ALMS1: variants seen among roughly 807,000 people sequenced by gnomAD.
The protein encoded by ALMS1 is ALMS1 centrosome and basal body associated protein, also known as centrosome-associated protein ALMS1.
Under a neutral mutation model 352.2 loss-of-function variants are expected in ALMS1, and 271 were observed. The ratio of observed to expected loss-of-function variants is 0.77; its 90% confidence interval spans 0.70 to 0.85. The LOEUF is 0.85. ALMS1 is among the 40% of genes least tolerant of loss of function. The pLI is 0.00. For synonymous variants in ALMS1, 1,865 were observed against 1,761.2 expected (o/e 1.06, Z -1.48); for missense variants, 5,445 against 4,870.7 (o/e 1.12, Z -3.51).
Position 73,451,014 on chromosome 2 carries a change from C to G in ALMS1, c.4487C>G (p.Pro1496Arg). Reference protein sequence around the residue: ...YKQAFPEGHLPEESLKVSVAP... With the variant: ...YKQAFPEGHLREESLKVSVAP... ...CAGGCCTTTCCAGAGGGTCATCTAC[C>G]TGAAGAGTCTCTGAAAGTTTCAGTT... Residue 1496 changes from proline to arginine, a missense_variant, in exon 8 of 23, where the codon CCT (proline) becomes CGT (arginine). Physicochemically the swap from Pro to Arg is moderately radical, Grantham distance 103 (BLOSUM62 -2). Coordinates refer to ENST00000613296, the MANE Select transcript of ALMS1 (RefSeq NM_001378454.1). 1.2e-6 allele frequency: 2 copies of G among 1,613,994 alleles called. No individual in the cohort carries two copies. The highest frequency in any genetic ancestry group is 2.2e-5 in the East Asian group (1 of 44,876).
Position 73,490,892 on chromosome 2 carries a change from A to G in ALMS1, c.8933A>G (p.Asp2978Gly), listed in dbSNP as rs1420360291. The change falls in exon 10 of 23, where the codon GAC becomes GGC. Residue 2978 changes from aspartate to glycine, a missense_variant. Asp to Gly is a moderately conservative substitution (Grantham distance 94). Transcript: ENST00000613296. ...CAAAGCAAAGCGCCAGGTGTAGATG[A>G]CCAAATGAATAAACACCATTTTCCC... ...QCQSKAPGVD[D>G]QMNKHHFPLP... 1 of 1,613,472 alleles carries G rather than the reference A, an allele frequency of 6.2e-7. No individual in the cohort carries two copies. The highest frequency in any genetic ancestry group is 8.5e-7 in the Non-Finnish European group (1 of 1,179,752).
intron 13 of ALMS1, among the ~76,000 whole-genome samples, chr2:73,554,686 C>T (rs1052485716): frequency 6.6e-6 from 1 of 152,144 alleles, no homozygotes. Context: ...GCACTCCAGC[C>T]TGTCGTATTT....
intron 1 of ALMS1, among the ~76,000 whole-genome samples, chr2:73,402,550 G>A (rs1044162811): frequency 1.1e-4 from 17 of 152,002 alleles, no homozygotes; most frequent in African/African-American, 2.4e-4. Flanking sequence ...ACGAGCCACC[G>A]CGCCCAGTCG....
intron 7 of ALMS1, among the ~76,000 whole-genome samples, chr2:73,440,798 A>G (rs1033743931): frequency 6.6e-6 from 1 of 152,170 alleles, no homozygotes; most frequent in Non-Finnish European, 1.5e-5. Flanking sequence ...TATCCTGGAC[A>G]TTTTGGATAT....
Position 73,448,375 on chromosome 2 carries a change from T to G in ALMS1, c.1848T>G (p.Thr616=). The G allele has an allele frequency of 1.9e-6, 3 of 1,613,622 alleles. No individual in the cohort carries two copies. Among genetic ancestry groups the G allele is most frequent in the Non-Finnish European group, 2.5e-6 (3 of 1,179,830 alleles). Residue 616 remains threonine, a synonymous_variant, in exon 8 of 23, where the codon ACT becomes ACG. Transcript: ENST00000613296. ...CTGACCAGACAACTGGCATGTCAAC[T>G]CTAACCTCTACTTCCTACTCACATA... The part of the protein sequence containing the change: ...GLADQTTGMS[T]LTSTSYSHRE...
chr2:73,528,888 C>G (rs1673850544), intron 11 of ALMS1, among the ~76,000 whole-genome samples: 1 of 151,974 alleles, frequency 6.6e-6, no homozygotes, highest in Non-Finnish European at 1.5e-5. Context: ...TTAAGAGAGT[C>G]TGATGCATTC....
At chr2:73,528,758 T>A (rs947640435) in intron 11 of ALMS1, among the ~76,000 whole-genome samples, 1 of 152,124 alleles carries the variant, frequency 6.6e-6, no homozygotes, top group Non-Finnish European at 1.5e-5. Context: ...CTTTTGAGGC[T>A]ATTTTCTAGA....
At position 73,424,601 on chromosome 2, in the gene ALMS1, T is replaced by C. The variant is rs1671342751; in HGVS notation, c.936T>C (p.Phe312=). The change falls in exon 5 of 23, where the codon TTT becomes TTC. Residue 312 remains phenylalanine (F), a synonymous_variant. Transcript: ENST00000613296. Reference sequence around the variant, plus strand: ...CAGCTGTTGGGTCTCAGTGCCCTTTTTTACCTTCTGAACAAGGGAATAATG... The same window carrying C: ...CAGCTGTTGGGTCTCAGTGCCCTTTCTTACCTTCTGAACAAGGGAATAATG... The part of the protein sequence containing the change: ...GSTAVGSQCP[F]LPSEQGNNEE... The C allele has an allele frequency of 6.2e-7, 1 of 1,613,916 alleles. No homozygotes were observed. The highest frequency in any genetic ancestry group is 1.3e-5 in the African/African-American group (1 of 74,926).
chr2:73,398,887 G>A (rs193140584), intron 1 of ALMS1, among the ~76,000 whole-genome samples: 99 of 151,996 alleles, frequency 6.5e-4, no homozygotes, highest in East Asian at 4.3e-3. Context: ...ACTGTCACCC[G>A]GGCTGGAGTG....
chr2:73,414,473 GTTTT>G (rs61660489), intron 2 of ALMS1, among the ~76,000 whole-genome samples: 1 of 66,416 alleles, frequency 1.5e-5, no homozygotes, highest in Non-Finnish European at 3.2e-5. Flanking sequence ...CTTTTTTTCC[GTTTT>G]TTTTTTTTTT....
At position 73,452,298 on chromosome 2, in the gene ALMS1, C is replaced by T. The variant is rs761077374; in HGVS notation, c.5771C>T (p.Pro1924Leu). 4 of 1,614,040 alleles carry T rather than the reference C, an allele frequency of 2.5e-6. No individual in the cohort carries two copies. The Admixed American group carries it at 5.0e-5, about 20-fold the overall frequency. The stretch of plus-strand genomic sequence containing the variant: ...GAAGCTTTAAATGTTTTTGTTGTTC[C>T]TGGACAAGGTGACCGGAAGACTGAG... Reference protein sequence around the residue: ...TEEALNVFVVPGQGDRKTEIP... With the variant: ...TEEALNVFVVLGQGDRKTEIP... The change falls in exon 8 of 23, where the codon CCT becomes CTT. Residue 1924 changes from proline (P) to leucine (L), a missense_variant. By Grantham distance (98) the Pro-to-Leu change is moderately conservative. Coordinates refer to ENST00000613296, the MANE Select transcript of ALMS1 (RefSeq NM_001378454.1).
intron 7 of ALMS1, among the ~76,000 whole-genome samples, chr2:73,440,799 T>C (rs895258239): frequency 6.6e-6 from 1 of 152,214 alleles, no homozygotes; most frequent in Non-Finnish European, 1.5e-5. Flanking sequence ...ATCCTGGACA[T>C]TTTGGATATT....
intron 15 of ALMS1, among the ~76,000 whole-genome samples, chr2:73,565,583 A>G (rs1213368754): frequency 6.6e-6 from 1 of 152,204 alleles, no homozygotes; most frequent in Non-Finnish European, 1.5e-5. Context: ...ACTTCCTTCC[A>G]AAGAGTGTAT....
In ALMS1 at chr2:73,572,814, T is replaced by C; in HGVS notation, c.10937T>C (p.Val3646Ala). The stretch of plus-strand genomic sequence containing the variant: ...AATCCAATCACACATTCTCTCCAGG[T>C]CTCAGAAAGTACACATGATGATAGC... The part of the protein sequence containing the change: ...LQNPITHSLQ[V>A]SESTHDDSRG... Residue 3646 changes from valine to alanine, a missense_variant, in exon 16 of 23, where the codon GTC becomes GCC. Physicochemically the swap from Val to Ala is moderately conservative, Grantham distance 64. Coordinates refer to ENST00000613296, the MANE Select transcript of ALMS1 (RefSeq NM_001378454.1). 1 of 1,614,026 alleles carries C rather than the reference T, an allele frequency of 6.2e-7. No homozygotes were observed. The highest frequency in any genetic ancestry group is 2.2e-5 in the East Asian group (1 of 44,878).
At chr2:73,529,467 T>A (rs1358389295) in intron 11 of ALMS1, among the ~76,000 whole-genome samples, 1 of 152,212 alleles carries the variant, frequency 6.6e-6, no homozygotes, top group Admixed American at 6.5e-5. Context: ...TCTAGAAGCT[T>A]GTGGATATTT....
rs200009686 is a variant in ALMS1 at position 73,490,505 on chromosome 2, G to A, written c.8546G>A (p.Arg2849Lys). 687 of 1,614,036 alleles carry A rather than the reference G, an allele frequency of 4.3e-4. 7 individuals are homozygous for A. Among genetic ancestry groups the A allele is most frequent in the Non-Finnish European group, 2.6e-5 (31 of 1,180,038 alleles). ...AACCATACCCTTATTAGCATGGGCA[G>A]ACCAAGTTCCACCCTAGGAGTAAAC... is the stretch of plus-strand genomic sequence containing the variant. ...SDNHTLISMG[R>K]PSSTLGVNRS... is the part of the protein sequence containing the mutation. The change falls in exon 10 of 23, where the codon AGA becomes AAA. Residue 2849 changes from arginine (R) to lysine (K), a missense_variant. Transcript: ENST00000613296.
chr2:73,591,877 G>C (rs1393981555), intron 16 of ALMS1, among the ~76,000 whole-genome samples: 1 of 152,134 alleles, frequency 6.6e-6, no homozygotes, highest in African/African-American at 2.4e-5. Context: ...CTACAAAATT[G>C]TATGATCATT....
At position 73,452,753 on chromosome 2, in the gene ALMS1, G is replaced by T. The variant is rs931662076; in HGVS notation, c.6226G>T (p.Ala2076Ser). 2 of 1,613,278 alleles carry T rather than the reference G, an allele frequency of 1.2e-6. No individual in the cohort carries two copies. Among genetic ancestry groups the T allele is most frequent in the African/African-American group, 2.7e-5 (2 of 74,930 alleles). The change falls in exon 8 of 23, where the codon GCT (alanine) becomes TCT (serine). Residue 2076 changes from alanine (A) to serine (S), a missense_variant. By Grantham distance (99) the Ala-to-Ser change is moderately conservative (BLOSUM62 1). Transcript: ENST00000613296. ...DQSKGILKISAVPELTDVNTG... is the reference protein window; with the variant it reads ...DQSKGILKISSVPELTDVNTG... ...AAGTAAAGGTATTCTAAAGATTTCA[G>T]CTGTCCCTGAACTAACTGATGTGAA...
At chr2:73,509,934 A>G (rs1673414659) in intron 10 of ALMS1, among the ~76,000 whole-genome samples, 1 of 151,204 alleles carries the variant, frequency 6.6e-6, no homozygotes, top group Non-Finnish European at 1.5e-5. Context: ...ATAGTCCCAT[A>G]TTTCTTGTCT....
Sources: gnomAD v4.1 joint callset for allele counts (sites outside exome capture counted in the v4.1 genomes callset) on GRCh38, gnomAD v4.1.1 for gene constraint, MANE v1.5 for transcripts, NCBI Gene and HGNC (gene_info 2026-07-23, HGNC 2026-07-21) for gene names.